PPP2R5E: variants seen among roughly 807,000 people sequenced by gnomAD.
The protein encoded by PPP2R5E is serine/threonine-protein phosphatase 2A 56 kDa regulatory subunit epsilon isoform.
Under a neutral mutation model 65.3 loss-of-function variants are expected in PPP2R5E, and 4 were observed. The ratio of observed to expected loss-of-function variants is 0.06; its 90% confidence interval spans 0.03 to 0.14. PPP2R5E has a LOEUF of 0.14. PPP2R5E is among the 10% of genes least tolerant of loss of function. PPP2R5E has a pLI of 1.00. For synonymous variants in PPP2R5E, 183 were observed against 187.4 expected, an observed-to-expected ratio of 0.98 and a Z score of 0.19; for missense variants, 274 against 556.1, an observed-to-expected ratio of 0.49 and a Z score of 5.10.
chr14:63,427,145 G>A (rs1887385371), intron 3 of PPP2R5E, among the ~76,000 whole-genome samples: 1 of 152,212 alleles, frequency 6.6e-6, no homozygotes, highest in Non-Finnish European at 1.5e-5. Context: ...ACAGCCATGA[G>A]TAAGCACCAA....
chr14:63,438,469 A>G (rs1261423828), intron 3 of PPP2R5E, among the ~76,000 whole-genome samples: 1 of 152,210 alleles, frequency 6.6e-6, no homozygotes, highest in Non-Finnish European at 1.5e-5. Context: ...TTCAGCTTCA[A>G]GGTTAAATTA....
chr14:63,521,599 G>A (rs921923380), intron 2 of PPP2R5E, among the ~76,000 whole-genome samples: 1 of 152,004 alleles, frequency 6.6e-6, no homozygotes, highest in Non-Finnish European at 1.5e-5. Context: ...GGAGGCAGAG[G>A]TTGCAGTGAG....
intron 2 of PPP2R5E, among the ~76,000 whole-genome samples, chr14:63,534,763 G>A (rs1187522509): frequency 1.3e-5 from 2 of 152,140 alleles, no homozygotes; most frequent in African/African-American, 4.8e-5. Flanking sequence ...GGGACCACAG[G>A]TGTACACCAC....
chr14:63,495,345 G>A (rs1891495263), intron 2 of PPP2R5E, among the ~76,000 whole-genome samples: 1 of 150,348 alleles, frequency 6.7e-6, no homozygotes, highest in South Asian at 2.1e-4. Context: ...GCTGAGACGG[G>A]CAGACCACTT....
chr14:63,475,802 C>T (rs1890384824), intron 2 of PPP2R5E, among the ~76,000 whole-genome samples: 1 of 152,028 alleles, frequency 6.6e-6, no homozygotes, highest in African/African-American at 2.4e-5. Flanking sequence ...AAATAGCATG[C>T]ATTCATGCCC....
chr14:63,426,672 C>G (rs1405660932), intron 3 of PPP2R5E, among the ~76,000 whole-genome samples: 2 of 133,142 alleles, frequency 1.5e-5, no homozygotes, highest in African/African-American at 5.6e-5. Flanking sequence ...TTAAGAATCA[C>G]AGCCTCCAGG....
At chr14:63,406,969 AAC>A (rs1886125659) in intron 5 of PPP2R5E, among the ~76,000 whole-genome samples, 2 of 152,260 alleles carry the variant, frequency 1.3e-5, no homozygotes, top group Non-Finnish European at 1.5e-5. Flanking sequence ...TATTAAAGAA[AAC>A]AGAGCTTAAG....
At chr14:63,430,563 TAAAG>T (rs929761221) in intron 3 of PPP2R5E, among the ~76,000 whole-genome samples, 55 of 152,284 alleles carry the variant, frequency 3.6e-4, no homozygotes, top group East Asian at 3.1e-3. Context: ...GTCTCAATAA[TAAAG>T]AACCTCTCAA....
intron 3 of PPP2R5E, among the ~76,000 whole-genome samples, chr14:63,425,700 A>T (rs1887294276): frequency 6.6e-6 from 1 of 152,272 alleles, no homozygotes; most frequent in South Asian, 2.1e-4. Context: ...CCCAGCATAT[A>T]CTAAGCATTT....
Position 63,405,766 on chromosome 14 carries a change from T to C in PPP2R5E, c.550-9050A>G, listed in dbSNP as rs947818053. 2.0e-5 allele frequency among the ~76,000 whole-genome samples: 3 copies of C among 152,182 alleles called. No homozygotes were observed. In the South Asian group the frequency reaches 6.2e-4, roughly 31 times the overall value. ...CATAAAGAAACCATTTTCCCAACCA[T>C]CCCAATACAGATGAAAATTATCTTT... On this transcript the variant is annotated intron_variant, in intron 5 of 13. Transcript: ENST00000337537.
At chr14:63,403,096 A>G (rs1885849747) in intron 5 of PPP2R5E, among the ~76,000 whole-genome samples, 1 of 152,190 alleles carries the variant, frequency 6.6e-6, no homozygotes, top group Non-Finnish European at 1.5e-5. Context: ...AACATCTGGG[A>G]AAGTTCCAAA....
At chr14:63,425,614 G>C (rs1471866241) in intron 3 of PPP2R5E, among the ~76,000 whole-genome samples, 2 of 152,152 alleles carry the variant, frequency 1.3e-5, no homozygotes, top group Non-Finnish European at 1.5e-5. Flanking sequence ...TCCACTGCAC[G>C]CTGCAGCAAC....
intron 4 of PPP2R5E, among the ~76,000 whole-genome samples, chr14:63,419,607 CAAG>C (rs768345799): frequency 0.031 from 4,787 of 152,192 alleles, 144 homozygotes; most frequent in East Asian, 0.13. Context: ...TTCTTGAGAC[CAAG>C]TCAGGAGCCT....
Position 63,540,372 on chromosome 14 carries a change from G to A in PPP2R5E, c.-7-680C>T, listed in dbSNP as rs372437481. ...CTTGAACCTGGGAGGCGGAGGTTGC[G>A]GTGAGCCAAGATGGCACCACTGCAC... On this transcript the variant is annotated intron_variant, in intron 1 of 13. Coordinates refer to ENST00000337537, the MANE Select transcript of PPP2R5E (RefSeq NM_006246.5). Among the ~76,000 whole-genome samples, 28 of 149,782 alleles carry A rather than the reference G, an allele frequency of 1.9e-4. No individual in the cohort carries two copies. In the East Asian group the frequency reaches 3.7e-3, roughly 20 times the overall value.
chr14:63,501,126 G>C (rs546652391), intron 2 of PPP2R5E, among the ~76,000 whole-genome samples: 15 of 152,218 alleles, frequency 9.9e-5, no homozygotes, highest in African/African-American at 3.6e-4. Flanking sequence ...AGGGCCGGGC[G>C]CAGTGGCTCA....
intron 13 of PPP2R5E, among the ~76,000 whole-genome samples, chr14:63,380,682 T>A (rs2139741817): frequency 6.6e-6 from 1 of 151,310 alleles, no homozygotes; most frequent in South Asian, 2.1e-4. Context: ...AAAAAAAAAG[T>A]TGTTTAAACT....
chr14:63,460,055 T>C (rs1018398795), intron 2 of PPP2R5E, among the ~76,000 whole-genome samples: 2 of 152,178 alleles, frequency 1.3e-5, no homozygotes, highest in Non-Finnish European at 1.5e-5. Context: ...TGTCATAGAA[T>C]GACTAGCACA....
intron 13 of PPP2R5E, among the ~76,000 whole-genome samples, chr14:63,380,087 G>C (rs1884250281): frequency 1.3e-5 from 2 of 151,698 alleles, no homozygotes; most frequent in South Asian, 4.2e-4. Context: ...GCCCGCCTCA[G>C]CCTCCCAAAG....
chr14:63,422,729 T>TG (rs1448115162), intron 3 of PPP2R5E, among the ~76,000 whole-genome samples: 2 of 88,242 alleles, frequency 2.3e-5, no homozygotes, highest in African/African-American at 7.9e-5. Flanking sequence ...TCCGTCTATT[T>TG]AAAAAAAAAA....
Sources: allele counts gnomAD v4.1 joint callset (sites outside exome capture counted in the v4.1 genomes callset), GRCh38; gene constraint gnomAD v4.1.1; transcripts MANE v1.5; gene names NCBI Gene and HGNC (gene_info 2026-07-23, HGNC 2026-07-21).